Variants in FREM2 observed in about 807,000 individuals in gnomAD.
FREM2 encodes FRAS1 related extracellular matrix 2.
FREM2 carries 119 observed loss-of-function variants against 219.9 expected under a neutral mutation model. The ratio of observed to expected loss-of-function variants is 0.54; its 90% CI spans 0.47 to 0.63. FREM2 has a LOEUF of 0.63. Ranked by LOEUF, FREM2 falls within the 30% of genes least tolerant of loss-of-function variation. The probability of loss-of-function intolerance (pLI) is 0.00; values close to 1 mark genes in which losing one functional copy is unlikely to be tolerated. For missense variants in FREM2, 4,030 were observed against 3,993.6 expected, an observed-to-expected ratio of 1.01 and a Z score of -0.25; for synonymous variants, 1,562 against 1,522.8, an observed-to-expected ratio of 1.03 and a Z score of -0.60.
At chr13:38,857,394 C>T (rs996204165) in intron 12 of FREM2, among the ~76,000 whole-genome samples, 1 of 152,100 alleles carries the variant, frequency 6.6e-6, no homozygotes, top group Non-Finnish European at 1.5e-5. Context: ...TGCCTTCTGC[C>T]CTTGGCTGCT....
chr13:38,848,784 C>T, intron 8 of FREM2, 114 bp downstream of exon 8: 1 of 956,138 alleles, frequency 1.0e-6, no homozygotes, highest in Admixed American at 2.2e-5. Flanking sequence ...CTAGGGCTTC[C>T]ATAACAAAGT....
Position 38,688,332 on chromosome 13 carries a change from G to A in FREM2, c.988G>A (p.Val330Met). The A allele has an allele frequency of 1.2e-6, 2 of 1,614,202 alleles. No individual in the cohort carries two copies. Among genetic ancestry groups the A allele is most frequent in the Non-Finnish European group, 1.7e-6 (2 of 1,180,042 alleles). The change falls in exon 1 of 24, where the codon GTG (valine) becomes ATG (methionine). Residue 330 changes from valine to methionine, a missense_variant. Val to Met is a conservative substitution (Grantham distance 21). Coordinates refer to ENST00000280481, the MANE Select transcript of FREM2 (RefSeq NM_207361.6). ...PSFVAMMMME[V>M]DQFVLTALTP... Reference sequence around the variant, plus strand: ...TTTCGTGGCCATGATGATGATGGAGGTGGACCAGTTTGTACTGACGGCCCT... The same window carrying A: ...TTTCGTGGCCATGATGATGATGGAGATGGACCAGTTTGTACTGACGGCCCT...
Position 38,690,024 on chromosome 13 carries a change from G to A in FREM2, c.2680G>A (p.Asp894Asn). The change falls in exon 1 of 24, where the codon GAC becomes AAC. Residue 894 changes from aspartate to asparagine, a missense_variant. Asp to Asn is a conservative substitution (Grantham distance 23). Transcript: ENST00000280481. ...TGTAGGGGGTCTCTTCCACTTGGAG[G>A]ACATAAAACAGGGCCGAGTTTCCTA... ...LHVGGLFHLE[D>N]IKQGRVSYAH... is the part of the protein sequence containing the mutation. 1.9e-6 allele frequency: 3 copies of A among 1,613,924 alleles called. No individual in the cohort carries two copies. The highest frequency in any genetic ancestry group is 2.5e-6 in the Non-Finnish European group (3 of 1,180,044).
At chr13:38,799,957 T>C (rs1874947573) in intron 6 of FREM2, among the ~76,000 whole-genome samples, 1 of 152,210 alleles carries the variant, frequency 6.6e-6, no homozygotes, top group African/African-American at 2.4e-5. Flanking sequence ...GAGAATTTAA[T>C]CAATTTTCTT....
intron 2 of FREM2, among the ~76,000 whole-genome samples, chr13:38,761,772 A>T (rs529871960): frequency 1.1e-4 from 17 of 152,246 alleles, no homozygotes; most frequent in Admixed American, 3.3e-4. Context: ...GCCAAGGAAG[A>T]ATAGGGGTCC....
chr13:38,856,106 C>A lies in FREM2; in HGVS notation c.6926-20C>A. ...ATATTCATATGCAAATGATTTAAAT[C>A]TGTGATGTTACATTTGTAGAAATTG... On this transcript the variant is annotated intron_variant, in intron 11 of 23. Coordinates refer to ENST00000280481, the MANE Select transcript of FREM2 (RefSeq NM_207361.6). The A allele has an allele frequency of 6.0e-6, 9 of 1,502,890 alleles. No individual in the cohort carries two copies. The highest frequency in any genetic ancestry group is 7.3e-6 in the Non-Finnish European group (8 of 1,089,962). 93.1% of individuals were successfully genotyped at this position (1,502,890 alleles called of 1,614,324 possible).
At chr13:38,855,050 T>A (rs1378749158) in intron 11 of FREM2, among the ~76,000 whole-genome samples, 1 of 152,174 alleles carries the variant, frequency 6.6e-6, no homozygotes, top group Non-Finnish European at 1.5e-5. Flanking sequence ...TACAGTATGA[T>A]CAGCTGCTTA....
At chr13:38,758,493 C>T (rs539530710) in intron 2 of FREM2, among the ~76,000 whole-genome samples, 5 of 152,306 alleles carry the variant, frequency 3.3e-5, no homozygotes, top group South Asian at 2.1e-4. Flanking sequence ...TTGCCAGGCT[C>T]TAGTTTGTGC....
At chr13:38,704,029 G>A (rs970971645) in intron 2 of FREM2, among the ~76,000 whole-genome samples, 1 of 152,142 alleles carries the variant, frequency 6.6e-6, no homozygotes. Context: ...GGAGAAGTGG[G>A]AAGTTATTTT....
At chr13:38,868,603 C>A (rs1262816685) in intron 16 of FREM2, among the ~76,000 whole-genome samples, 1 of 152,176 alleles carries the variant, frequency 6.6e-6, no homozygotes, top group African/African-American at 2.4e-5. Context: ...TACAAGTATG[C>A]TGCCTGACAG....
At chr13:38,787,318 C>T (rs1244968926) in intron 6 of FREM2, among the ~76,000 whole-genome samples, 3 of 152,178 alleles carry the variant, frequency 2.0e-5, no homozygotes, top group African/African-American at 7.2e-5. Flanking sequence ...TCTGTTTTCT[C>T]CCATCTGTCA....
intron 2 of FREM2, among the ~76,000 whole-genome samples, chr13:38,718,110 A>G (rs777156556): frequency 1.3e-5 from 2 of 152,224 alleles, no homozygotes; most frequent in Non-Finnish European, 2.9e-5. Context: ...ACTCATCTGA[A>G]GCCTGGCTTT....
chr13:38,731,254 CTTTA>C lies in FREM2; in HGVS notation c.5264-33046_5264-33043del, dbSNP rs575022928. On this transcript the variant is annotated intron_variant, in intron 2 of 23. Transcript: ENST00000280481. ...CTGATTTTATTTTATTTAGAAACTA[CTTTA>C]TTTTTCAATCAAGAAAATTAAAATG... Among the ~76,000 whole-genome samples the C allele has an allele frequency of 5.2e-4, 79 of 152,244 alleles. No homozygotes were observed. In the Middle Eastern group the frequency reaches 0.01, roughly 20 times the overall value.
chr13:38,733,277 A>G (rs1016792864), intron 2 of FREM2, among the ~76,000 whole-genome samples: 4 of 151,052 alleles, frequency 2.6e-5, no homozygotes, highest in Non-Finnish European at 5.9e-5. Flanking sequence ...AGTAGATAGT[A>G]GGAACAGAGG....
At chr13:38,716,043 A>T (rs1870985605) in intron 2 of FREM2, among the ~76,000 whole-genome samples, 1 of 152,160 alleles carries the variant, frequency 6.6e-6, no homozygotes, top group Admixed American at 6.5e-5. Context: ...CAAGAAGGCA[A>T]ATGATTTATT....
chr13:38,862,836 G>T (rs1877812286), intron 15 of FREM2, among the ~76,000 whole-genome samples: 1 of 152,154 alleles, frequency 6.6e-6, no homozygotes, highest in Admixed American at 6.5e-5. Flanking sequence ...CATAAAGATG[G>T]TATGGAATTC....
intron 9 of FREM2, 108 bp downstream of exon 9, chr13:38,850,343 A>G: frequency 1.2e-6 from 1 of 867,938 alleles, no homozygotes; most frequent in Non-Finnish European, 1.9e-6. Context: ...AGCATATGGC[A>G]TGGTTTTATG....
rs1164433869 is a variant in FREM2 at position 38,691,223 on chromosome 13, CATT to C, written c.3882_3884del (p.Ile1295del). 6.2e-7 allele frequency: 1 copy of C among 1,613,900 alleles called. No individual in the cohort carries two copies. Among genetic ancestry groups the C allele is most frequent in the Non-Finnish European group, 8.5e-7 (1 of 1,179,968 alleles). ...AGCACTCTGTGGAAAAGACGGTCCT[CATT>C]ATAGTTATCCCTGTTGATGATGAGA... On this transcript the variant is annotated inframe_deletion, in exon 1 of 24. Coordinates refer to ENST00000280481, the MANE Select transcript of FREM2 (RefSeq NM_207361.6).
chr13:38,687,812 C>T lies in FREM2; in HGVS notation c.468C>T (p.Arg156=). 6.5e-7 allele frequency: 1 copy of T among 1,544,800 alleles called. No individual in the cohort carries two copies. The highest frequency in any genetic ancestry group is 1.4e-5 in the African/African-American group (1 of 73,822). Residue 156 remains arginine (R), a synonymous_variant, in exon 1 of 24, where the codon CGC becomes CGT. Transcript: ENST00000280481. The stretch of plus-strand genomic sequence containing the variant: ...GGGACCGCGTCCGGCTGCAGCTGCG[C>T]TATGACGCGCCCGGAGGGGCAGTAG... The part of the protein sequence containing the change: ...PSRDRVRLQL[R]YDAPGGAVVL...
Sources: gnomAD v4.1 joint callset for allele counts (sites outside exome capture counted in the v4.1 genomes callset) on GRCh38, gnomAD v4.1.1 for gene constraint, MANE v1.5 for transcripts, NCBI Gene and HGNC (gene_info 2026-07-23, HGNC 2026-07-21) for gene names.